Variants in MAP3K21 observed in about 807,000 individuals in gnomAD.
MAP3K21 encodes the protein mitogen-activated protein kinase kinase kinase 21.
In MAP3K21, 63 loss-of-function variants were observed where a neutral mutation model predicts 86.1. The ratio of observed to expected loss-of-function variants is 0.73; its 90% confidence interval spans 0.60 to 0.90. The LOEUF is 0.90. MAP3K21 is among the 40% of genes least tolerant of loss of function. The pLI is 0.00. For synonymous variants in MAP3K21, 558 were observed against 564.8 expected (o/e 0.99, Z 0.17); for missense variants, 1,220 against 1,367.7 (o/e 0.89, Z 1.70).
At chr1:233,343,427 G>A (rs1663075319) in intron 1 of MAP3K21, among the ~76,000 whole-genome samples, 1 of 152,166 alleles carries the variant, frequency 6.6e-6, no homozygotes, top group South Asian at 2.1e-4. Flanking sequence ...CAAGGAAGCA[G>A]AAGCACATGG....
intron 1 of MAP3K21, among the ~76,000 whole-genome samples, chr1:233,336,028 A>C (rs1202729381): frequency 6.6e-6 from 1 of 152,186 alleles, no homozygotes; most frequent in African/African-American, 2.4e-5. Context: ...CTAAATGATT[A>C]GTTCTGTTGA....
chr1:233,347,302 G>A (rs79911185), intron 2 of MAP3K21, among the ~76,000 whole-genome samples: 6,614 of 152,194 alleles, frequency 0.043, 459 homozygotes, highest in African/African-American at 0.15. Context: ...TTTATAGATT[G>A]CATCATCTAA....
At position 233,328,112 on chromosome 1, in the gene MAP3K21, G is replaced by T; in HGVS notation, c.84G>T (p.Ser28=). 1 of 1,393,882 alleles carries T rather than the reference G, an allele frequency of 7.2e-7. No homozygotes were observed. Among genetic ancestry groups the T allele is most frequent in the South Asian group, 1.6e-5 (1 of 62,704 alleles). The allele number at this position is 1,393,882 out of a possible 1,614,324, so 86.3% of individuals were successfully genotyped here. ...CCCCCGGCGGCTCAGCGTCCTCGTCGTCCACCTCCTCGGGCGGCTCGGCCT... is the reference window on the plus strand; with the variant it reads ...CCCCCGGCGGCTCAGCGTCCTCGTCTTCCACCTCCTCGGGCGGCTCGGCCT... ...GGAPGGSASS[S]STSSGGSASA... is the part of the protein sequence containing the mutation. Residue 28 remains serine (S), a synonymous_variant, in exon 1 of 10, where the codon TCG becomes TCT. Transcript: ENST00000366624. This position sits in a 1 kb window ranked among gnomAD's most constrained non-coding sequence, Gnocchi z 8.7.
chr1:233,382,737 C>A lies in MAP3K21; in HGVS notation c.*26C>A, dbSNP rs754106051. 1 of 1,588,698 alleles carries A rather than the reference C, an allele frequency of 6.3e-7. No individual in the cohort carries two copies. ...ACTAAGTGCCTTACTGTTGTTTAAG[C>A]ATTTTTTTAAGGTGAACAAATGAAC... On this transcript the variant is annotated 3_prime_UTR_variant, in exon 10 of 10. Transcript: ENST00000366624.
At chr1:233,330,504 T>C (rs1662790221) in intron 1 of MAP3K21, among the ~76,000 whole-genome samples, 1 of 152,316 alleles carries the variant, frequency 6.6e-6, no homozygotes, top group Middle Eastern at 3.4e-3. Flanking sequence ...GACTTGTCCA[T>C]GTGTTCCATA....
chr1:233,365,251 G>A (rs1007735826), intron 5 of MAP3K21, among the ~76,000 whole-genome samples: 1 of 151,902 alleles, frequency 6.6e-6, no homozygotes, highest in African/African-American at 2.4e-5. Context: ...AAAAGCTCAG[G>A]CAACAAAAAA....
At position 233,353,887 on chromosome 1, in the gene MAP3K21, T is replaced by C. The variant is rs775175910; in HGVS notation, c.1067T>C (p.Val356Ala). Residue 356 changes from valine (V) to alanine (A), a missense_variant, in exon 3 of 10, where the codon GTA (valine) becomes GCA (alanine). By Grantham distance (64) the Val-to-Ala change is moderately conservative. Around this residue, in one of 5 missense-constraint regions of MAP3K21, gnomAD observed 89 missense variants for 144.8 expected, o/e 0.61. Transcript: ENST00000366624. ...GIDGLAVAYG[V>A]AVNKLTLPIP... ...GATGGCCTCGCCGTGGCTTATGGGG[T>C]AGCAGTCAATAAACTCACTTTGCCC... 6.2e-7 allele frequency: 1 copy of C among 1,613,378 alleles called. No individual in the cohort carries two copies. Among genetic ancestry groups the C allele is most frequent in the Admixed American group, 1.7e-5 (1 of 59,790 alleles).
chr1:233,363,881 G>T lies in MAP3K21; in HGVS notation c.1552+1588G>T, dbSNP rs187733021. ...AAAAAAAAATTAGCTGGGCACGGGG[G>T]CGGGTGCCTGTAATCCCAGCTACTT... On this transcript the variant is annotated intron_variant, in intron 5 of 9. Transcript: ENST00000366624. 3.5e-3 allele frequency among the ~76,000 whole-genome samples: 525 copies of T among 151,448 alleles called. 3 individuals carry two copies. The highest frequency in any genetic ancestry group is 0.012 in the African/African-American group (503 of 41,154).
rs77813530 is a variant in MAP3K21, at chr1:233,368,252, A to G, written c.1553-3786A>G. Reference sequence around the variant, plus strand: ...CTTTAGTCTAAACTGTTTCCTTTCTATGGTTAAGAATTTTTTTTCTTTGAC... The same window carrying G: ...CTTTAGTCTAAACTGTTTCCTTTCTGTGGTTAAGAATTTTTTTTCTTTGAC... On this transcript the variant is annotated intron_variant, in intron 5 of 9. Coordinates refer to ENST00000366624, the MANE Select transcript of MAP3K21 (RefSeq NM_032435.3). Among the ~76,000 whole-genome samples, 834 of 152,178 alleles carry G rather than the reference A, an allele frequency of 5.5e-3. 18 individuals are homozygous for G. In the East Asian group the frequency reaches 0.063, roughly 12 times the overall value.
In MAP3K21 at chr1:233,346,472, A is replaced by C; in HGVS notation, c.836A>C (p.Asp279Ala). ...CTACTTGAGAAGATAGAACATGATG[A>C]CATCTGCAATAAAACTTTGAAGATT... Reference protein sequence around the residue: ...ILLLEKIEHDDICNKTLKITD... With the variant: ...ILLLEKIEHDAICNKTLKITD... Residue 279 changes from aspartate (D) to alanine (A), a missense_variant, in exon 2 of 10, where the codon GAC becomes GCC. Asp to Ala is a moderately radical substitution (Grantham distance 126, BLOSUM62 -2). Coordinates refer to ENST00000366624, the MANE Select transcript of MAP3K21 (RefSeq NM_032435.3). 6.2e-7 allele frequency: 1 copy of C among 1,612,158 alleles called. No homozygotes were observed. The highest frequency in any genetic ancestry group is 8.5e-7 in the Non-Finnish European group (1 of 1,178,794).
At chr1:233,363,322 A>G (rs1416856746) in intron 5 of MAP3K21, among the ~76,000 whole-genome samples, 1 of 152,242 alleles carries the variant, frequency 6.6e-6, no homozygotes, top group Non-Finnish European at 1.5e-5. Context: ...CTTATAAAAT[A>G]TGTATTATGA....
At chr1:233,371,749 T>TTGTGTG (rs71574858) in intron 5 of MAP3K21, among the ~76,000 whole-genome samples, 5,965 of 147,716 alleles carry the variant, frequency 0.04, 137 homozygotes, top group East Asian at 0.069. Context: ...ATATTTTCCT[T>TTGTGTG]TGTGTGTGTG....
At position 233,384,146 on chromosome 1, in the gene MAP3K21, T is replaced by A. The variant is rs1381249212; in HGVS notation, c.*1435T>A. ...ACATTGCTTGATATTTCATTTAAAATTGCACCTTGCTTAAGGTTTACTGAA... is the reference window on the plus strand; with the variant it reads ...ACATTGCTTGATATTTCATTTAAAAATGCACCTTGCTTAAGGTTTACTGAA... On this transcript the variant is annotated 3_prime_UTR_variant, in exon 10 of 10. Transcript: ENST00000366624. The A allele has an allele frequency of 6.6e-6, 1 of 152,168 alleles. No homozygotes were observed. The highest frequency in any genetic ancestry group is 1.5e-5 in the Non-Finnish European group (1 of 68,018). The allele number at this position is 152,168 out of a possible 1,614,324, so 9.4% of individuals were successfully genotyped here. A position where few individuals can be genotyped will look rare whatever the true frequency, so the allele number is the denominator to read the frequency against.
chr1:233,358,059 G>C (rs3831928), intron 4 of MAP3K21, among the ~76,000 whole-genome samples: 9 of 146,226 alleles, frequency 6.2e-5, no homozygotes, highest in Non-Finnish European at 1.2e-4. Flanking sequence ...TGCCTGATGG[G>C]TTTTTTTTTT....
Position 233,353,911 on chromosome 1 carries a change from C to G in MAP3K21, c.1091C>G (p.Pro364Arg), listed in dbSNP as rs951809109. The G allele has an allele frequency of 1.2e-6, 2 of 1,612,666 alleles. No homozygotes were observed. Among genetic ancestry groups the G allele is most frequent in the South Asian group, 1.1e-5 (1 of 90,896 alleles). The change falls in exon 3 of 10, where the codon CCC (proline) becomes CGC (arginine). Residue 364 changes from proline to arginine, a missense_variant. Coordinates refer to ENST00000366624, the MANE Select transcript of MAP3K21 (RefSeq NM_032435.3). ...GTAGCAGTCAATAAACTCACTTTGC[C>G]CATTCCATCCACCTGCCCTGAGCCG... is the stretch of plus-strand genomic sequence containing the variant. ...YGVAVNKLTL[P>R]IPSTCPEPFA...
rs183717127 is a variant in MAP3K21 at position 233,350,039 on chromosome 1, G to A, written c.986+3417G>A. On this transcript the variant is annotated intron_variant, in intron 2 of 9. Transcript: ENST00000366624. ...TACTTTTCACCTGAGGTTTTTTCCC[G>A]TTACTAGCTTGGCATCCCTCTCCCC... is the stretch of plus-strand genomic sequence containing the variant. Among the ~76,000 whole-genome samples the A allele has an allele frequency of 7.3e-4, 111 of 151,438 alleles. 1 individual carries two copies. The highest frequency in any genetic ancestry group is 6.8e-3 in the Middle Eastern group (2 of 292).
At position 233,362,216 on chromosome 1, in the gene MAP3K21, A is replaced by G. The variant is rs964751231; in HGVS notation, c.1475A>G (p.Lys492Arg). ...TTCCAGCTAAACCAGGAGAAGCCCAAGGTAAAGAAGAGGAAGGGCAAGTTT... is the reference window on the plus strand; with the variant it reads ...TTCCAGCTAAACCAGGAGAAGCCCAGGGTAAAGAAGAGGAAGGGCAAGTTT... ...LIFQLNQEKP[K>R]VKKRKGKFKR... Residue 492 changes from lysine (K) to arginine (R), a missense_variant, in exon 5 of 10, where the codon AAG becomes AGG. Coordinates refer to ENST00000366624, the MANE Select transcript of MAP3K21 (RefSeq NM_032435.3). The G allele has an allele frequency of 1.2e-6, 2 of 1,614,248 alleles. No individual in the cohort carries two copies. The highest frequency in any genetic ancestry group is 2.2e-5 in the East Asian group (1 of 44,886).
intron 5 of MAP3K21, 113 bp from the exon 6 acceptor site, chr1:233,371,925 T>G: frequency 9.9e-7 from 1 of 1,007,598 alleles, no homozygotes; most frequent in Middle Eastern, 2.2e-4. Context: ...CCTGCAATAT[T>G]CTTTGCAGTT....
chr1:233,352,458 T>C (rs1663268378), intron 2 of MAP3K21, among the ~76,000 whole-genome samples: 1 of 151,506 alleles, frequency 6.6e-6, no homozygotes, highest in Admixed American at 6.6e-5. Context: ...TTTTTTTGAG[T>C]CTTGCTCTGT....
Sources: allele counts gnomAD v4.1 joint callset (sites outside exome capture counted in the v4.1 genomes callset), GRCh38; gene constraint gnomAD v4.1.1; regional missense constraint gnomAD v4.1.1; non-coding constraint Gnocchi (gnomAD v3.1); transcripts MANE v1.5; gene names NCBI Gene and HGNC (gene_info 2026-07-23, HGNC 2026-07-21).